Variants in MRPL49 observed in about 807,000 individuals in gnomAD.
MRPL49 encodes the protein large ribosomal subunit protein mL49.
In MRPL49, 14 loss-of-function variants were observed where a neutral mutation model predicts 18.4. That is an observed-to-expected ratio of 0.76 (90% CI 0.50 to 1.19). The LOEUF is 1.19. MRPL49 is among the 50% of genes most tolerant of loss of function. MRPL49 has a pLI of 0.00. For synonymous variants in MRPL49, 104 were observed against 86.2 expected, an observed-to-expected ratio of 1.21 and a Z score of -1.14; for missense variants, 190 against 217.8, an observed-to-expected ratio of 0.87 and a Z score of 0.80.
Position 65,124,595 on chromosome 11 carries a change from C to T in MRPL49, c.172C>T (p.Pro58Ser). The change falls in exon 2 of 4, where the codon CCA (proline) becomes TCA (serine). Residue 58 changes from proline (P) to serine (S), a missense_variant. Pro to Ser is a moderately conservative substitution (Grantham distance 74). Transcript: ENST00000279242. ...GCGCCTGTTACCGGCTACCAGGATC[C>T]CAGATCCCCCAAAGCATGAACATTA... ...VERLLPATRI[P>S]DPPKHEHYPT... 1 of 1,614,152 alleles carries T rather than the reference C, an allele frequency of 6.2e-7. No individual in the cohort carries two copies. Among genetic ancestry groups the T allele is most frequent in the Non-Finnish European group, 8.5e-7 (1 of 1,180,034 alleles).
chr11:65,125,901 A>G lies in MRPL49; in HGVS notation c.*29A>G. The G allele has an allele frequency of 6.3e-7, 1 of 1,588,890 alleles. No homozygotes were observed. The highest frequency in any genetic ancestry group is 8.6e-7 in the Non-Finnish European group (1 of 1,164,764). On this transcript the variant is annotated 3_prime_UTR_variant, in exon 4 of 4. Transcript: ENST00000279242. ...CCAGCCGAGCAGCCTGCTTGTCAGC[A>G]TGCCCTGTGGATCAAGTCTAGGGGG...
At chr11:65,122,590 G>A (rs560823045) in intron 1 of MRPL49, 166 bp downstream of exon 1, 2 of 628,454 alleles carry the variant, frequency 3.2e-6, no homozygotes, top group East Asian at 5.7e-5. Context: ...GAGGGAAAAT[G>A]GTAGACTGGG....
rs1307867106 is a variant in MRPL49, at chr11:65,126,766, C to T, written c.*894C>T. Reference sequence around the variant, plus strand: ...CTGATAGAGAGGTAGGAGGCACGTTCTTGGTCACTGTTCCATTGCAGACCA... The same window carrying T: ...CTGATAGAGAGGTAGGAGGCACGTTTTTGGTCACTGTTCCATTGCAGACCA... On this transcript the variant is annotated 3_prime_UTR_variant, in exon 4 of 4. Coordinates refer to ENST00000279242, the MANE Select transcript of MRPL49 (RefSeq NM_004927.4). 11 of 515,300 alleles carry T rather than the reference C, an allele frequency of 2.1e-5. No homozygotes were observed. The highest frequency in any genetic ancestry group is 8.4e-5 in the South Asian group (3 of 35,758). 31.9% of individuals were successfully genotyped at this position (515,300 alleles called of 1,614,324 possible). A position where few individuals can be genotyped will look rare whatever the true frequency, so the allele number is the denominator to read the frequency against.
upstream of MRPL49, chr11:65,122,198 C>T: frequency 1.3e-6 from 1 of 752,062 alleles, no homozygotes; most frequent in Non-Finnish European, 2.2e-6. Context: ...TGAGCGACCG[C>T]GCGGTTCCCT....
At chr11:65,122,962 G>T (rs1948067655) in intron 1 of MRPL49, among the ~76,000 whole-genome samples, 2 of 151,940 alleles carry the variant, frequency 1.3e-5, no homozygotes, top group African/African-American at 4.8e-5. Context: ...CTCGTGATCC[G>T]CCCGCCTCGG....
At chr11:65,122,473 C>T (rs764054782) in intron 1 of MRPL49, 49 bp downstream of exon 1, 5 of 1,548,002 alleles carry the variant, frequency 3.2e-6, no homozygotes, top group Non-Finnish European at 4.4e-6. Flanking sequence ...GTGTGAGGCT[C>T]AGTGTTAATC....
chr11:65,126,087 C>T lies in MRPL49; in HGVS notation c.*215C>T, dbSNP rs1948098367. ...AATGTGGGAGACCAAATAGGGATCA[C>T]CAGGCTAATGGGGGGCGTCAGCAGC... On this transcript the variant is annotated 3_prime_UTR_variant, in exon 4 of 4. Transcript: ENST00000279242. 6.0e-6 allele frequency: 3 copies of T among 498,564 alleles called. No homozygotes were observed. The South Asian group carries it at 1.0e-4, about 17-fold the overall frequency. 30.9% of individuals were successfully genotyped at this position (498,564 alleles called of 1,614,324 possible).
At chr11:65,125,239 G>A in intron 2 of MRPL49, 1 of 501,190 alleles carries the variant, frequency 2.0e-6, no homozygotes. Context: ...AGGGAGGCAT[G>A]TCCCTGATTT....
rs2137228486 is a variant in MRPL49 at position 65,126,633 on chromosome 11, G to A, written c.*761G>A. The A allele has an allele frequency of 4.6e-6, 1 of 216,630 alleles. No homozygotes were observed. Among genetic ancestry groups the A allele is most frequent in the Non-Finnish European group, 9.2e-6 (1 of 109,054 alleles). The allele number at this position is 216,630 out of a possible 1,614,324, so 13.4% of individuals were successfully genotyped here. A position where few individuals can be genotyped will look rare whatever the true frequency, so the allele number is the denominator to read the frequency against. On this transcript the variant is annotated 3_prime_UTR_variant, in exon 4 of 4. Coordinates refer to ENST00000279242, the MANE Select transcript of MRPL49 (RefSeq NM_004927.4). ...TTTGCTCTAGGCCAGATCTTGTTTGGTGCAGGTGATGGAGAACACAGATGA... is the reference window on the plus strand; with the variant it reads ...TTTGCTCTAGGCCAGATCTTGTTTGATGCAGGTGATGGAGAACACAGATGA...
Position 65,127,281 on chromosome 11 carries a change from G to A in MRPL49, c.*1409G>A. 1 of 455,958 alleles carries A rather than the reference G, an allele frequency of 2.2e-6. No individual in the cohort carries two copies. The highest frequency in any genetic ancestry group is 3.9e-6 in the Non-Finnish European group (1 of 258,102). The allele number at this position is 455,958 out of a possible 1,614,324, so 28.2% of individuals were successfully genotyped here. A position where few individuals can be genotyped will look rare whatever the true frequency, so the allele number is the denominator to read the frequency against. On this transcript the variant is annotated 3_prime_UTR_variant, in exon 4 of 4. Coordinates refer to ENST00000279242, the MANE Select transcript of MRPL49 (RefSeq NM_004927.4). ...TTCTGTGACACAAACCCCACCAATT[G>A]TTAATGCAAGTTTTTATTTGGCTGT...
Position 65,124,452 on chromosome 11 carries a change from T to A in MRPL49, c.79-50T>A, listed in dbSNP as rs1414630526. On this transcript the variant is annotated intron_variant, in intron 1 of 3. Transcript: ENST00000279242. ...TTCTCTACTTACTGAAGTTATGCCA[T>A]CCTGTGTTGGGTAGGCTAATGGAGA... 2.5e-6 allele frequency: 4 copies of A among 1,574,036 alleles called. No individual in the cohort carries two copies. The South Asian group carries it at 4.6e-5, about 18-fold the overall frequency.
chr11:65,122,373 G>C lies in MRPL49; in HGVS notation c.27G>C (p.Thr9=). The change falls in exon 1 of 4, where the codon ACG becomes ACC. Residue 9 remains threonine (T), a synonymous_variant. Coordinates refer to ENST00000279242, the MANE Select transcript of MRPL49 (RefSeq NM_004927.4). The part of the protein sequence containing the change: MAATMFRA[T]LRGWRTGVQR... Reference sequence around the variant, plus strand: ...TGGCAGCTACCATGTTCCGGGCTACGCTGCGGGGATGGAGAACCGGTGTCC... The same window carrying C: ...TGGCAGCTACCATGTTCCGGGCTACCCTGCGGGGATGGAGAACCGGTGTCC... The C allele has an allele frequency of 6.2e-7, 1 of 1,613,212 alleles. No individual in the cohort carries two copies. Among genetic ancestry groups the C allele is most frequent in the South Asian group, 1.1e-5 (1 of 90,966 alleles).
At chr11:65,125,244 T>C in intron 2 of MRPL49, 1 of 504,942 alleles carries the variant, frequency 2.0e-6, no homozygotes, top group East Asian at 3.8e-5. Context: ...GGCATGTCCC[T>C]GATTTCATTT....
At chr11:65,123,389 A>G (rs1394656342) in intron 1 of MRPL49, among the ~76,000 whole-genome samples, 1 of 152,232 alleles carries the variant, frequency 6.6e-6, no homozygotes. Context: ...TTATTCGGGA[A>G]TGGGTATAGA....
At chr11:65,124,387 C>T in intron 1 of MRPL49, 115 bp from the exon 2 acceptor site, 1 of 1,082,146 alleles carries the variant, frequency 9.2e-7, no homozygotes, top group Non-Finnish European at 1.3e-6. Flanking sequence ...CGTCGCCCAG[C>T]CTTTTATTTA....
intron 1 of MRPL49, among the ~76,000 whole-genome samples, chr11:65,123,860 T>A (rs1269031016): frequency 6.6e-6 from 1 of 152,216 alleles, no homozygotes; most frequent in Admixed American, 6.5e-5. Flanking sequence ...CAGGCAGTTG[T>A]TGGACAGATG....
chr11:65,125,026 A>T, intron 2 of MRPL49: 1 of 266,324 alleles, frequency 3.8e-6, no homozygotes, highest in Non-Finnish European at 7.1e-6. Context: ...TGTTATCTTG[A>T]ATTAGTCACT....
rs1243533316 is a variant in MRPL49 at position 65,126,745 on chromosome 11, TAG to T, written c.*878_*879del. The T allele has an allele frequency of 6.2e-6, 3 of 486,212 alleles. No homozygotes were observed. The highest frequency in any genetic ancestry group is 3.9e-5 in the African/African-American group (2 of 51,278). The allele number at this position is 486,212 out of a possible 1,614,324, so 30.1% of individuals were successfully genotyped here. On this transcript the variant is annotated 3_prime_UTR_variant, in exon 4 of 4. Transcript: ENST00000279242. ...TGCCCACGTTAGCCCCGGGCTCTGA[TAG>T]AGAGGTAGGAGGCACGTTCTTGGTC...
chr11:65,124,507 G>C lies in MRPL49; in HGVS notation c.84G>C (p.Gln28His). The change falls in exon 2 of 4, where the codon CAG becomes CAC. Residue 28 changes from glutamine to histidine, a missense_variant. Physicochemically the swap from Gln to His is conservative, Grantham distance 24. Transcript: ENST00000279242. ...GGATTTTTGTTTTGCTTCAGAGCCA[G>C]ACCCAGGGCCCTCCAGATTACCCCA... is the stretch of plus-strand genomic sequence containing the variant. ...QRGCGLRLLS[Q>H]TQGPPDYPRF... is the part of the protein sequence containing the mutation. The C allele has an allele frequency of 6.2e-7, 1 of 1,613,784 alleles. No homozygotes were observed. The highest frequency in any genetic ancestry group is 8.5e-7 in the Non-Finnish European group (1 of 1,179,912).
Sources: gnomAD v4.1 joint callset for allele counts (sites outside exome capture counted in the v4.1 genomes callset) on GRCh38, gnomAD v4.1.1 for gene constraint, MANE v1.5 for transcripts, NCBI Gene and HGNC (gene_info 2026-07-23, HGNC 2026-07-21) for gene names.